Variants in SAP130 observed in about 807,000 individuals in gnomAD.
The protein encoded by SAP130 is histone deacetylase complex subunit SAP130.
A neutral mutation model predicts 103.2 loss-of-function variants in SAP130; 16 were observed. The observed-to-expected ratio is 0.16, with a 90% CI of 0.10 to 0.24. SAP130 has a LOEUF of 0.24. Ranked by LOEUF, SAP130 falls within the 10% of genes least tolerant of loss-of-function variation. The pLI, the probability that SAP130 is intolerant of heterozygous loss-of-function variation, is 1.00. For missense variants in SAP130, 990 were observed against 1,359.7 expected (o/e 0.73, Z 4.28); for synonymous variants, 477 against 497.0 (o/e 0.96, Z 0.53).
intron 14 of SAP130, among the ~76,000 whole-genome samples, chr2:127,982,238 G>C (rs1241582031): frequency 1.3e-5 from 2 of 151,594 alleles, no homozygotes; most frequent in Non-Finnish European, 2.9e-5. Context: ...ATTTCATACA[G>C]AAGAAATGAC....
At chr2:127,950,968 A>G (rs1420848931) in intron 16 of SAP130, among the ~76,000 whole-genome samples, 1 of 152,260 alleles carries the variant, frequency 6.6e-6, no homozygotes, top group African/African-American at 2.4e-5. Context: ...AAAGGAGATA[A>G]CAGGACCTTA....
At chr2:127,985,455 T>C (rs1267034024) in intron 14 of SAP130, among the ~76,000 whole-genome samples, 2 of 152,138 alleles carry the variant, frequency 1.3e-5, no homozygotes, top group Non-Finnish European at 2.9e-5. Context: ...GAAACTCTGC[T>C]CTCTGAAACA....
At chr2:128,026,370 C>T (rs1573873719) in intron 1 of SAP130, 72 bp from the exon 2 acceptor site, 2 of 1,060,560 alleles carry the variant, frequency 1.9e-6, no homozygotes, top group Non-Finnish European at 2.9e-6. Flanking sequence ...ATTAAAGCAT[C>T]TTTAGTACCT....
chr2:128,008,685 G>A (rs1050347069), intron 7 of SAP130, among the ~76,000 whole-genome samples: 1 of 147,120 alleles, frequency 6.8e-6, no homozygotes, highest in Non-Finnish European at 1.5e-5. Flanking sequence ...TCCTTTTCCT[G>A]TTTGTTTTTT....
chr2:128,005,812 G>A (rs1025870345), intron 7 of SAP130, among the ~76,000 whole-genome samples: 2 of 151,850 alleles, frequency 1.3e-5, no homozygotes, highest in African/African-American at 4.8e-5. Flanking sequence ...ATGCCCAGCT[G>A]ACAGACAGGG....
At position 127,955,372 on chromosome 2, in the gene SAP130, G is replaced by A. The variant is rs1416182676; in HGVS notation, c.2064-28C>T. On this transcript the variant is annotated intron_variant, in intron 15 of 20. Transcript: ENST00000643581. This position sits in a 1 kb window ranked among gnomAD's most constrained non-coding sequence, Gnocchi z 4.9. ...AAAACACAAAAGAAAAGCACATGTA[G>A]CAAATAAGAAAAAAACTGCCTTCAT... 6.7e-7 allele frequency: 1 copy of A among 1,492,316 alleles called. No homozygotes were observed. 92.4% of individuals were successfully genotyped at this position (1,492,316 alleles called of 1,614,324 possible).
In SAP130 at chr2:127,986,706, A is replaced by G; in HGVS notation, c.1958+79T>C. ...AATGAGAGATGAGTTTGATACCAGC[A>G]TTAGATAAGAGTGCCTATTATGTAT... On this transcript the variant is annotated intron_variant, in intron 14 of 20. Coordinates refer to ENST00000643581, the MANE Select transcript of SAP130 (RefSeq NM_001330301.2). This position sits in a 1 kb window ranked among gnomAD's most constrained non-coding sequence, Gnocchi z 4.7. The G allele has an allele frequency of 7.2e-7, 1 of 1,391,464 alleles. No individual in the cohort carries two copies. Among genetic ancestry groups the G allele is most frequent in the Non-Finnish European group, 9.9e-7 (1 of 1,007,872 alleles). 86.2% of individuals were successfully genotyped at this position (1,391,464 alleles called of 1,614,324 possible).
chr2:128,016,089 G>A (rs910575054), intron 4 of SAP130, among the ~76,000 whole-genome samples: 11 of 151,692 alleles, frequency 7.3e-5, no homozygotes, highest in East Asian at 5.8e-4. Flanking sequence ...AACACGAACC[G>A]GACTCCGGAC....
chr2:127,944,226 G>A (rs1197156760), intron 19 of SAP130, among the ~76,000 whole-genome samples: 2 of 151,944 alleles, frequency 1.3e-5, no homozygotes, highest in African/African-American at 4.8e-5. Flanking sequence ...TGTAGAGACA[G>A]GGTCCCACTA....
At chr2:128,010,097 GGCA>G (rs1013019036) in intron 7 of SAP130, among the ~76,000 whole-genome samples, 169 bp downstream of exon 7, 4 of 151,808 alleles carry the variant, frequency 2.6e-5, no homozygotes, top group African/African-American at 9.7e-5. Flanking sequence ...GCTCTGTGTG[GGCA>G]GCAATTTCTT....
intron 1 of SAP130, chr2:128,027,200 G>A (rs1465460904): frequency 8.2e-7 from 1 of 1,221,172 alleles, no homozygotes; most frequent in Non-Finnish European, 1.0e-6. Flanking sequence ...GCGCGGGGAG[G>A]GATCGCGGCG....
At chr2:127,995,480 G>A (rs1683112811) in intron 11 of SAP130, among the ~76,000 whole-genome samples, 1 of 152,102 alleles carries the variant, frequency 6.6e-6, no homozygotes, top group South Asian at 2.1e-4. Context: ...CTACAAGGCC[G>A]AGCCGATTAA....
intron 1 of SAP130, chr2:128,027,103 G>T (rs773840502): frequency 9.2e-6 from 13 of 1,416,104 alleles, no homozygotes; most frequent in Non-Finnish European, 1.2e-5. Context: ...TGTAGCCGCC[G>T]CCCGCCGCCC....
At chr2:127,966,312 T>C (rs1445152505) in intron 15 of SAP130, among the ~76,000 whole-genome samples, 1 of 151,878 alleles carries the variant, frequency 6.6e-6, no homozygotes, top group East Asian at 1.9e-4. Context: ...GCCATTGTAC[T>C]CCAGCCTGGG....
At chr2:128,002,447 T>C (rs1683630887) in intron 7 of SAP130, among the ~76,000 whole-genome samples, 1 of 152,026 alleles carries the variant, frequency 6.6e-6, no homozygotes, top group South Asian at 2.1e-4. Context: ...GAGAATCACT[T>C]GAACCTGGGA....
intron 19 of SAP130, among the ~76,000 whole-genome samples, chr2:127,944,377 G>T (rs903653091): frequency 1.3e-5 from 2 of 151,704 alleles, no homozygotes; most frequent in African/African-American, 4.8e-5. Context: ...TTTTATACTT[G>T]TTAAAAATTA....
intron 1 of SAP130, among the ~76,000 whole-genome samples, chr2:128,027,505 C>G (rs943060727): frequency 6.6e-6 from 1 of 152,030 alleles, no homozygotes; most frequent in African/African-American, 2.4e-5. Flanking sequence ...GCGCCCCCGG[C>G]GAAGGGGGCG....
intron 13 of SAP130, among the ~76,000 whole-genome samples, chr2:127,987,243 G>A (rs903629434): frequency 2.0e-5 from 3 of 152,090 alleles, no homozygotes; most frequent in African/African-American, 7.2e-5. Context: ...GGAATACAGT[G>A]GTGCAATCTC....
chr2:128,011,095 T>A (rs1342448854), intron 6 of SAP130, among the ~76,000 whole-genome samples: 1 of 152,120 alleles, frequency 6.6e-6, no homozygotes. Flanking sequence ...CTGTTGTTGG[T>A]CCTGGTGTAG....
Sources: allele counts gnomAD v4.1 joint callset (sites outside exome capture counted in the v4.1 genomes callset), GRCh38; gene constraint gnomAD v4.1.1; non-coding constraint Gnocchi (gnomAD v3.1); transcripts MANE v1.5; gene names NCBI Gene and HGNC (gene_info 2026-07-23, HGNC 2026-07-21).